The following CREM variants were observed in gnomAD, a reference collection of about 807,000 sequenced individuals.
The protein encoded by CREM is cAMP responsive element modulator, also known as cAMP-responsive element modulator.
In CREM, 13 loss-of-function variants were observed where a neutral mutation model predicts 37.3. The ratio of observed to expected loss-of-function variants is 0.35; its 90% CI spans 0.23 to 0.55. The LOEUF is 0.55. CREM is among the 20% of genes least tolerant of loss of function. The pLI is 0.88. For synonymous variants in CREM, 124 were observed against 120.2 expected, an observed-to-expected ratio of 1.03 and a Z score of -0.21; for missense variants, 296 against 362.3, an observed-to-expected ratio of 0.82 and a Z score of 1.49.
chr10:35,142,821 T>C (rs1282322033), intron 2 of CREM, among the ~76,000 whole-genome samples: 2 of 152,172 alleles, frequency 1.3e-5, no homozygotes, highest in Non-Finnish European at 2.9e-5. Context: ...TTGCCCAGTC[T>C]GGTCTCAAAC....
chr10:35,211,677 A>T lies in CREM; in HGVS notation c.*279A>T. The stretch of plus-strand genomic sequence containing the variant: ...TCAGGGAAGCTGCCAAAGAATGTCG[A>T]CGTCGAAAGAAAGAATATGTAAAAT... On this transcript the variant is annotated 3_prime_UTR_variant, in exon 8 of 8. Transcript: ENST00000685392. 12 of 1,612,220 alleles carry T rather than the reference A, an allele frequency of 7.4e-6. No individual in the cohort carries two copies. Among genetic ancestry groups the T allele is most frequent in the Non-Finnish European group, 1.0e-5 (12 of 1,179,494 alleles).
At chr10:35,171,046 A>G (rs915173881) in intron 3 of CREM, 1 of 151,318 alleles carries the variant, frequency 6.6e-6, no homozygotes, top group African/African-American at 2.4e-5. Flanking sequence ...GTTTGGACAT[A>G]TGGAAGTTTC....
chr10:35,138,932 T>A (rs752899166), intron 2 of CREM, among the ~76,000 whole-genome samples: 17 of 151,830 alleles, frequency 1.1e-4, no homozygotes, highest in Non-Finnish European at 1.6e-4. Context: ...TCCTATTTTT[T>A]AAAAAAACAA....
Position 35,145,161 on chromosome 10 carries a change from A to C in CREM, c.45-3207A>C, listed in dbSNP as rs1318998143. On this transcript the variant is annotated intron_variant, in intron 2 of 7. Transcript: ENST00000685392. ...GGGTGACAGAGCAAGACACTGTCTC[A>C]AAAAAAAAAAAAAAAAAAAGGTATT... is the stretch of plus-strand genomic sequence containing the variant. Among the ~76,000 whole-genome samples the C allele has an allele frequency of 6.1e-5, 5 of 82,174 alleles. No individual in the cohort carries two copies. The East Asian group carries it at 2.0e-3, about 33-fold the overall frequency. 53.9% of individuals were successfully genotyped at this position (82,174 alleles called of 152,430 possible). A position where few individuals can be genotyped will look rare whatever the true frequency, so the allele number is the denominator to read the frequency against.
chr10:35,170,774 A>G lies in CREM; in HGVS notation c.169-8115A>G, dbSNP rs573656921. Among the ~76,000 whole-genome samples the G allele has an allele frequency of 9.3e-4, 142 of 152,074 alleles. 3 individuals carry two copies. The South Asian group carries it at 0.025, about 27-fold the overall frequency. ...CCCTTTATCATGTTTTATTGCATCT[A>G]TTTGATTCTTCTCTCTTTTCTTCTT... On this transcript the variant is annotated intron_variant, in intron 3 of 7. Coordinates refer to ENST00000685392, the MANE Select transcript of CREM (RefSeq NM_183011.2).
chr10:35,188,201 T>G lies in CREM; in HGVS notation c.411T>G (p.Ile137Met), dbSNP rs2094737354. ...SIYQTSTGQY[I>M]AIAQGGTIQI... ...TATTTCTTTTCTTTTTCTGTTAAGT[T>G]GCTATAGCCCAAGGTGGAACAATCC... Residue 137 changes from isoleucine (I) to methionine (M), a missense_variant and splice_region_variant, in exon 6 of 8, where the codon ATT becomes ATG. Ile to Met is a conservative substitution (Grantham distance 10). This residue lies in a region of CREM where 257 missense variants were observed against 280.2 expected (regional missense o/e 0.92). Transcript: ENST00000685392. 6.3e-7 allele frequency: 1 copy of G among 1,596,548 alleles called. No homozygotes were observed. The highest frequency in any genetic ancestry group is 1.1e-5 in the South Asian group (1 of 87,162).
chr10:35,157,417 G>A (rs1056798600), intron 3 of CREM, among the ~76,000 whole-genome samples: 1 of 152,026 alleles, frequency 6.6e-6, no homozygotes, highest in African/African-American at 2.4e-5. Flanking sequence ...GATCGCTGGA[G>A]CCCAAGAGTT....
intron 3 of CREM, chr10:35,158,580 C>A: frequency 6.2e-6 from 1 of 160,104 alleles, no homozygotes. Context: ...TGAATAACCT[C>A]TTGGCCTTTG....
intron 3 of CREM, among the ~76,000 whole-genome samples, chr10:35,173,596 A>T (rs1053728612): frequency 3.9e-5 from 6 of 152,222 alleles, no homozygotes; most frequent in African/African-American, 2.4e-5. Flanking sequence ...AATTTCCAGT[A>T]TGTTAAATAT....
At chr10:35,144,327 G>C (rs1235942883) in intron 2 of CREM, among the ~76,000 whole-genome samples, 2 of 152,110 alleles carry the variant, frequency 1.3e-5, no homozygotes, top group Non-Finnish European at 2.9e-5. Context: ...ATCTCATTCT[G>C]ACTGATTATA....
chr10:35,187,925 T>G (rs556757368), intron 5 of CREM, among the ~76,000 whole-genome samples: 1 of 152,338 alleles, frequency 6.6e-6, no homozygotes, highest in South Asian at 2.1e-4. Context: ...TCTTGAGTGA[T>G]GTAGTCAGCT....
chr10:35,195,001 A>C (rs1244379782), intron 6 of CREM: 8 of 463,656 alleles, frequency 1.7e-5, no homozygotes, highest in Non-Finnish European at 2.7e-5. Flanking sequence ...TTATTACAGG[A>C]AGAGTTTTTA....
chr10:35,163,992 AAAAG>A (rs1052172290), intron 3 of CREM, among the ~76,000 whole-genome samples: 61 of 152,092 alleles, frequency 4.0e-4, no homozygotes, highest in African/African-American at 1.5e-3. Flanking sequence ...AAAAAACAAA[AAAAG>A]AGCCCTAATT....
intron 5 of CREM, among the ~76,000 whole-genome samples, chr10:35,187,179 A>ATATATAT (rs1564923058): frequency 4.4e-5 from 2 of 45,970 alleles, no homozygotes; most frequent in African/African-American, 6.7e-5. Flanking sequence ...ATTAATATTA[A>ATATATAT]TATATAAATA....
chr10:35,204,327 C>T (rs2095464900), intron 6 of CREM, among the ~76,000 whole-genome samples: 1 of 152,116 alleles, frequency 6.6e-6, no homozygotes, highest in Non-Finnish European at 1.5e-5. Context: ...TTAGGCCAGG[C>T]ACAGTGGCTC....
intron 1 of CREM, among the ~76,000 whole-genome samples, chr10:35,130,790 GGTTT>G (rs1237380909): frequency 6.6e-6 from 1 of 152,126 alleles, no homozygotes; most frequent in Admixed American, 6.5e-5. Context: ...GTGCCATCTA[GGTTT>G]GTTTAAGAGC....
intron 3 of CREM, among the ~76,000 whole-genome samples, chr10:35,177,305 T>A (rs12265597): frequency 6.6e-6 from 1 of 152,196 alleles, no homozygotes; most frequent in African/African-American, 2.4e-5. Flanking sequence ...TTTCCTGTGA[T>A]GGCCCCTGAT....
At chr10:35,182,292 G>A (rs1025247814) in intron 5 of CREM, among the ~76,000 whole-genome samples, 1 of 152,006 alleles carries the variant, frequency 6.6e-6, no homozygotes, top group African/African-American at 2.4e-5. Context: ...GGAAACAATT[G>A]CCAGTTTCCT....
At chr10:35,159,406 T>TC in intron 3 of CREM, among the ~76,000 whole-genome samples, 1 of 151,980 alleles carries the variant, frequency 6.6e-6, no homozygotes, top group Non-Finnish European at 1.5e-5. Context: ...GAATATAAAG[T>TC]CCAGAAATAA....
Sources: gnomAD v4.1 joint callset for allele counts (sites outside exome capture counted in the v4.1 genomes callset) on GRCh38, gnomAD v4.1.1 for gene constraint, gnomAD v4.1.1 regional missense constraint, MANE v1.5 for transcripts, NCBI Gene and HGNC (gene_info 2026-07-23, HGNC 2026-07-21) for gene names.